DCLK2: variants seen among roughly 807,000 people sequenced by gnomAD.
The protein encoded by DCLK2 is serine/threonine-protein kinase DCLK2.
Under a neutral mutation model 78.4 loss-of-function variants are expected in DCLK2, and 31 were observed. The observed-to-expected ratio is 0.40, with a 90% CI of 0.30 to 0.53. The LOEUF (loss-of-function observed/expected upper bound fraction) is 0.53. Ranked by LOEUF, DCLK2 falls within the 20% of genes least tolerant of loss-of-function variation. The probability of loss-of-function intolerance (pLI) is 0.61; values close to 1 mark genes in which losing one functional copy is unlikely to be tolerated. For synonymous variants in DCLK2, 407 were observed against 374.9 expected, an observed-to-expected ratio of 1.09 and a Z score of -0.99; for missense variants, 872 against 973.7, an observed-to-expected ratio of 0.90 and a Z score of 1.39.
intron 12 of DCLK2, among the ~76,000 whole-genome samples, chr4:150,243,962 A>G (rs1743112686): frequency 6.6e-6 from 1 of 151,514 alleles, no homozygotes; most frequent in Admixed American, 6.6e-5. Context: ...TTTAAGAGAC[A>G]GGGTCTCTGT....
At chr4:150,246,926 C>G (rs1743363934) in intron 12 of DCLK2, among the ~76,000 whole-genome samples, 1 of 152,118 alleles carries the variant, frequency 6.6e-6, no homozygotes, top group African/African-American at 2.4e-5. Flanking sequence ...GGCCCTTCCT[C>G]TCAGACTGAG....
chr4:150,165,113 A>T (rs77199925), intron 2 of DCLK2, among the ~76,000 whole-genome samples: 1,998 of 152,344 alleles, frequency 0.013, 46 homozygotes, highest in African/African-American at 0.046. Flanking sequence ...AACATTCCAT[A>T]TGCCTGTAAT....
chr4:150,140,884 T>A (rs962567835), intron 2 of DCLK2, among the ~76,000 whole-genome samples: 2 of 152,254 alleles, frequency 1.3e-5, no homozygotes, highest in African/African-American at 2.4e-5. Context: ...TTACAGAATG[T>A]ATAAAGAAGT....
intron 3 of DCLK2, among the ~76,000 whole-genome samples, chr4:150,194,111 A>C (rs1738683694): frequency 6.6e-6 from 1 of 151,628 alleles, no homozygotes; most frequent in East Asian, 1.9e-4. Context: ...TGTACCATGT[A>C]AGGATGCTTT....
chr4:150,102,587 G>T lies in DCLK2; in HGVS notation c.531G>T (p.Leu177=), dbSNP rs566102165. The T allele has an allele frequency of 6.2e-7, 1 of 1,614,116 alleles. No homozygotes were observed. The highest frequency in any genetic ancestry group is 8.5e-7 in the Non-Finnish European group (1 of 1,180,010). ...TCAAGGGTGGGACATCCCGAGCGCTGGCTGCTGCCTCCTCTGTGAAAAGTG... is the reference window on the plus strand; with the variant it reads ...TCAAGGGTGGGACATCCCGAGCGCTTGCTGCTGCCTCCTCTGTGAAAAGTG... ...VNIKGGTSRA[L]AAASSVKSEV... Residue 177 remains leucine, a synonymous_variant, in exon 2 of 16, where the codon CTG becomes CTT. Coordinates refer to ENST00000296550, the MANE Select transcript of DCLK2 (RefSeq NM_001040260.4).
chr4:150,111,976 AGGATTCTTTTTTCTAATTCT>A (rs1394315642), intron 2 of DCLK2, among the ~76,000 whole-genome samples: 1 of 152,116 alleles, frequency 6.6e-6, no homozygotes, highest in Non-Finnish European at 1.5e-5. Flanking sequence ...TATGAATTTT[AGGATTCTTTTTTCTAATTCT>A]GTGAAAAAAT....
intron 8 of DCLK2, among the ~76,000 whole-genome samples, chr4:150,232,134 C>G (rs1296933799): frequency 6.6e-6 from 1 of 152,278 alleles, no homozygotes; most frequent in East Asian, 1.9e-4. Flanking sequence ...GAGTCTGTAT[C>G]TTTTTGGTAA....
intron 3 of DCLK2, among the ~76,000 whole-genome samples, chr4:150,197,644 A>G (rs1739148441): frequency 6.6e-6 from 1 of 152,110 alleles, no homozygotes; most frequent in South Asian, 2.1e-4. Context: ...AATCCCAGCT[A>G]CTTGGGAGGC....
At chr4:150,116,688 G>A (rs372237035) in intron 2 of DCLK2, among the ~76,000 whole-genome samples, 3 of 152,218 alleles carry the variant, frequency 2.0e-5, no homozygotes, top group Admixed American at 2.0e-4. Context: ...AGATTCCTTG[G>A]TTATAAATAG....
chr4:150,172,625 AAAAAG>A (rs1294986735), intron 2 of DCLK2, among the ~76,000 whole-genome samples: 4 of 151,258 alleles, frequency 2.6e-5, no homozygotes, highest in African/African-American at 4.9e-5. Flanking sequence ...AAAAAAAAAA[AAAAAG>A]AAATCCATAG....
chr4:150,163,875 T>C (rs1279820198), intron 2 of DCLK2, among the ~76,000 whole-genome samples: 1 of 152,194 alleles, frequency 6.6e-6, no homozygotes, highest in Non-Finnish European at 1.5e-5. Context: ...AGGAAGTTAG[T>C]TATTTTATTT....
chr4:150,238,305 T>C (rs1384239809), intron 10 of DCLK2, among the ~76,000 whole-genome samples: 1 of 152,242 alleles, frequency 6.6e-6, no homozygotes, highest in Non-Finnish European at 1.5e-5. Context: ...TATTTTATTA[T>C]GGTAATGTAT....
At chr4:150,177,308 T>A (rs1294127823) in intron 2 of DCLK2, among the ~76,000 whole-genome samples, 1 of 152,212 alleles carries the variant, frequency 6.6e-6, no homozygotes, top group Non-Finnish European at 1.5e-5. Context: ...ATGCTTTTTT[T>A]TCCGAGTTGA....
intron 5 of DCLK2, among the ~76,000 whole-genome samples, chr4:150,208,034 C>T (rs755548191): frequency 1.8e-4 from 28 of 152,118 alleles, no homozygotes; most frequent in Non-Finnish European, 3.1e-4. Flanking sequence ...CCGGCTCAAC[C>T]GACTTGATAG....
chr4:150,224,656 A>G (rs964787265), intron 8 of DCLK2, 98 bp downstream of exon 8: 10 of 970,788 alleles, frequency 1.0e-5, no homozygotes, highest in African/African-American at 6.6e-5. Flanking sequence ...TGACACAACT[A>G]TCACAGCAGG....
intron 1 of DCLK2, among the ~76,000 whole-genome samples, chr4:150,098,486 C>T (rs760157911): frequency 4.6e-5 from 7 of 152,064 alleles, no homozygotes; most frequent in South Asian, 2.1e-4. Context: ...AATACATATG[C>T]GTGGTCCTAG....
At chr4:150,209,439 C>T (rs1450558767) in intron 5 of DCLK2, among the ~76,000 whole-genome samples, 2 of 152,220 alleles carry the variant, frequency 1.3e-5, no homozygotes, top group African/African-American at 4.8e-5. Flanking sequence ...TACGAGGCTA[C>T]AGATCTCCTC....
intron 2 of DCLK2, among the ~76,000 whole-genome samples, chr4:150,158,136 G>A (rs959827839): frequency 6.6e-6 from 1 of 152,102 alleles, no homozygotes; most frequent in East Asian, 1.9e-4. Flanking sequence ...CAAGATAAAG[G>A]TGTCAGCAGG....
chr4:150,221,586 A>C, intron 6 of DCLK2, 91 bp from the exon 7 acceptor site: 1 of 733,906 alleles, frequency 1.4e-6, no homozygotes, highest in Non-Finnish European at 2.1e-6. Context: ...TTTAGAAATA[A>C]ATGCATCGCA....
Sources: gnomAD v4.1 joint callset for allele counts (sites outside exome capture counted in the v4.1 genomes callset) on GRCh38, gnomAD v4.1.1 for gene constraint, MANE v1.5 for transcripts, NCBI Gene and HGNC (gene_info 2026-07-23, HGNC 2026-07-21) for gene names.